FNIP2: variants seen among roughly 807,000 people sequenced by gnomAD.
FNIP2 encodes the protein folliculin interacting protein 2, also known as folliculin-interacting protein 2.
In FNIP2, 32 loss-of-function variants were observed where a neutral mutation model predicts 108.7. The observed-to-expected ratio is 0.29, with a 90% confidence interval of 0.22 to 0.40. FNIP2 has a LOEUF of 0.40. FNIP2 is among the 10% of genes least tolerant of loss of function. The pLI, the probability that FNIP2 is intolerant of heterozygous loss-of-function variation, is 1.00. For missense variants in FNIP2, 1,202 were observed against 1,381.6 expected, an observed-to-expected ratio of 0.87 and a Z score of 2.06; for synonymous variants, 480 against 496.7, an observed-to-expected ratio of 0.97 and a Z score of 0.45.
At chr4:158,903,045 C>G (rs1049219152) in intron 16 of FNIP2, among the ~76,000 whole-genome samples, 15 of 152,214 alleles carry the variant, frequency 9.9e-5, no homozygotes, top group Admixed American at 1.3e-4. Flanking sequence ...AAAAAAAACT[C>G]TTGCAGCTAG....
At chr4:158,848,903 T>A (rs1048860515) in intron 7 of FNIP2, among the ~76,000 whole-genome samples, 7 of 152,148 alleles carry the variant, frequency 4.6e-5, no homozygotes, top group Non-Finnish European at 1.0e-4. Context: ...GGGAAAACTG[T>A]CCCTTTTTAT....
At chr4:158,884,179 G>A (rs1391045293) in intron 14 of FNIP2, among the ~76,000 whole-genome samples, 1 of 152,126 alleles carries the variant, frequency 6.6e-6, no homozygotes, top group Non-Finnish European at 1.5e-5. Context: ...ATGGTGCATT[G>A]GAGGTATAAT....
In FNIP2 at chr4:158,880,564, C is replaced by T. The variant is rs574058011; in HGVS notation, c.2949+10095C>T. 3.3e-5 allele frequency among the ~76,000 whole-genome samples: 5 copies of T among 152,266 alleles called. No homozygotes were observed. The South Asian group carries it at 1.0e-3, about 32-fold the overall frequency. On this transcript the variant is annotated intron_variant, in intron 14 of 16. Transcript: ENST00000264433. Reference sequence around the variant, plus strand: ...ATGTAACAAACCTGCACGTTGTGCACATGTACCTTAGAACTTAAAGTATAA... The same window carrying T: ...ATGTAACAAACCTGCACGTTGTGCATATGTACCTTAGAACTTAAAGTATAA...
Position 158,904,807 on chromosome 4 carries a change from T to C in FNIP2, c.*263T>C, listed in dbSNP as rs1729687734. On this transcript the variant is annotated 3_prime_UTR_variant, in exon 17 of 17. Transcript: ENST00000264433. The stretch of plus-strand genomic sequence containing the variant: ...TCAACAAAGAAACTGACCTTTTTGG[T>C]AGGAGGAAACATAAGCACTAAACAC... The C allele has an allele frequency of 2.3e-6, 1 of 429,186 alleles. No individual in the cohort carries two copies. Among genetic ancestry groups the C allele is most frequent in the Non-Finnish European group, 4.3e-6 (1 of 233,250 alleles). 26.6% of individuals were successfully genotyped at this position (429,186 alleles called of 1,614,324 possible).
intron 14 of FNIP2, chr4:158,871,658 A>T: frequency 2.0e-6 from 2 of 985,254 alleles, no homozygotes; most frequent in Non-Finnish European, 2.4e-6. Flanking sequence ...AACGTTCCTA[A>T]CCCCACCCCT....
At position 158,869,182 on chromosome 4, in the gene FNIP2, T is replaced by G. The variant is rs766997142; in HGVS notation, c.2546T>G (p.Val849Gly). The G allele has an allele frequency of 6.2e-7, 1 of 1,614,038 alleles. No homozygotes were observed. Reference sequence around the variant, plus strand: ...TATGTGAAGGCTGCGGAAGGACCTGTGCTGGAGCCTGTTGCCCCCAGGTGT... The same window carrying G: ...TATGTGAAGGCTGCGGAAGGACCTGGGCTGGAGCCTGTTGCCCCCAGGTGT... Reference protein sequence around the residue: ...GLYVKAAEGPVLEPVAPRCVQ... With the variant: ...GLYVKAAEGPGLEPVAPRCVQ... Residue 849 changes from valine to glycine, a missense_variant, in exon 13 of 17, where the codon GTG becomes GGG. This residue lies in a region of FNIP2 where 878 missense variants were observed against 990.3 expected (regional missense o/e 0.89). Coordinates refer to ENST00000264433, the MANE Select transcript of FNIP2 (RefSeq NM_020840.3).
At chr4:158,847,073 C>T (rs1390407738) in intron 7 of FNIP2, among the ~76,000 whole-genome samples, 3 of 152,190 alleles carry the variant, frequency 2.0e-5, no homozygotes, top group Admixed American at 6.5e-5. Flanking sequence ...CAGAAGGAAG[C>T]GCCCATCCCA....
intron 12 of FNIP2, among the ~76,000 whole-genome samples, chr4:158,864,065 G>T (rs950874470): frequency 6.6e-6 from 1 of 151,918 alleles, no homozygotes; most frequent in Admixed American, 6.6e-5. Context: ...ACAGAGTCTC[G>T]CTCTGTCACC....
chr4:158,883,949 CTTTTTTTTTT>C (rs33942642), intron 14 of FNIP2, among the ~76,000 whole-genome samples: 3 of 89,000 alleles, frequency 3.4e-5, no homozygotes, highest in Non-Finnish European at 4.5e-5. Context: ...TTAATAAGCT[CTTTTTTTTTT>C]TTTTTTTTTT....
intron 7 of FNIP2, among the ~76,000 whole-genome samples, chr4:158,840,558 G>C (rs1779072733): frequency 6.6e-6 from 1 of 152,104 alleles, no homozygotes; most frequent in South Asian, 2.1e-4. Context: ...ACCACACCCA[G>C]CTAATTTTTG....
At chr4:158,795,639 T>A (rs928684636) in intron 1 of FNIP2, among the ~76,000 whole-genome samples, 4 of 151,856 alleles carry the variant, frequency 2.6e-5, no homozygotes, top group African/African-American at 9.7e-5. Context: ...AAACCAGGGG[T>A]CCCCAACTCC....
At chr4:158,866,221 C>CTTTGTTTTTTTTTTTTTTTTTTT (rs1780568936) in intron 12 of FNIP2, among the ~76,000 whole-genome samples, 1 of 59,764 alleles carries the variant, frequency 1.7e-5, no homozygotes, top group Non-Finnish European at 2.8e-5. Flanking sequence ...TCTGGTTATT[C>CTTTGTTTTTTTTTTTTTTTTTTT]TTTTTTTTTT....
In FNIP2 at chr4:158,771,993, A is replaced by T. The variant is rs76997352; in HGVS notation, c.107+2674A>T. Among the ~76,000 whole-genome samples, 789 of 152,314 alleles carry T rather than the reference A, an allele frequency of 5.2e-3. 4 individuals carry two copies. The highest frequency in any genetic ancestry group is 9.1e-3 in the Non-Finnish European group (617 of 68,034). On this transcript the variant is annotated intron_variant, in intron 1 of 16. Coordinates refer to ENST00000264433, the MANE Select transcript of FNIP2 (RefSeq NM_020840.3). ...CTAGTTTATCTCACAGGTCATTTTC[A>T]GGACTTCATGTTTCCTGGCATTTCA...
At chr4:158,769,593 T>C (rs1775625104) in intron 1 of FNIP2, among the ~76,000 whole-genome samples, 1 of 152,160 alleles carries the variant, frequency 6.6e-6, no homozygotes, top group African/African-American at 2.4e-5. Flanking sequence ...GCGTGCGCTG[T>C]GCTTGGCTGT....
chr4:158,904,414 C>T, intron 16 of FNIP2, 52 bp from the exon 17 acceptor site: 2 of 1,427,304 alleles, frequency 1.4e-6, no homozygotes, highest in Non-Finnish European at 9.8e-7. Context: ...AATACTTTCT[C>T]ATAAAACCAT....
intron 1 of FNIP2, among the ~76,000 whole-genome samples, chr4:158,791,817 G>A (rs1334827745): frequency 6.6e-6 from 1 of 152,152 alleles, no homozygotes; most frequent in Non-Finnish European, 1.5e-5. Context: ...ATATACATCA[G>A]TAATCTCGAG....
At chr4:158,863,551 A>G (rs1780410867) in intron 12 of FNIP2, among the ~76,000 whole-genome samples, 1 of 152,158 alleles carries the variant, frequency 6.6e-6, no homozygotes, top group African/African-American at 2.4e-5. Flanking sequence ...GAGCTCGGTG[A>G]TCCTTGCTTC....
intron 1 of FNIP2, among the ~76,000 whole-genome samples, chr4:158,769,831 T>G (rs903765090): frequency 2.6e-5 from 4 of 152,212 alleles, no homozygotes; most frequent in Non-Finnish European, 5.9e-5. Context: ...TGAAAGTATG[T>G]AATTTCCACA....
chr4:158,887,736 CAAAAAAA>C (rs10645281), intron 14 of FNIP2, among the ~76,000 whole-genome samples: 2 of 78,802 alleles, frequency 2.5e-5, no homozygotes, highest in African/African-American at 1.0e-4. Context: ...GACTCTGTCT[CAAAAAAA>C]AAAAAAAAAA....
Sources: allele counts gnomAD v4.1 joint callset (sites outside exome capture counted in the v4.1 genomes callset), GRCh38; gene constraint gnomAD v4.1.1; regional missense constraint gnomAD v4.1.1; transcripts MANE v1.5; gene names NCBI Gene and HGNC (gene_info 2026-07-23, HGNC 2026-07-21).